Variants in SGMS1 observed in about 807,000 individuals in gnomAD.
SGMS1 encodes sphingomyelin synthase 1.
In SGMS1, 13 loss-of-function variants were observed where a neutral mutation model predicts 46.2. That is an observed-to-expected ratio of 0.28 (90% CI 0.18 to 0.45). The LOEUF (loss-of-function observed/expected upper bound fraction) is 0.45, where lower values mean the gene tolerates loss of function less well. Ranked by LOEUF, SGMS1 falls within the 20% of genes least tolerant of loss-of-function variation. The pLI, the probability that SGMS1 is intolerant of heterozygous loss-of-function variation, is 1.00. For missense variants in SGMS1, 324 were observed against 519.9 expected, an observed-to-expected ratio of 0.62 and a Z score of 3.66; for synonymous variants, 203 against 187.8, an observed-to-expected ratio of 1.08 and a Z score of -0.66.
chr10:50,332,387 T>C (rs181078967), intron 7 of SGMS1, among the ~76,000 whole-genome samples: 14 of 152,230 alleles, frequency 9.2e-5, no homozygotes, highest in Admixed American at 8.5e-4. Context: ...AGGAAGCCCC[T>C]GCTCCTCTCT....
intron 3 of SGMS1, among the ~76,000 whole-genome samples, chr10:50,512,674 T>C (rs553566290): frequency 6.6e-6 from 1 of 152,366 alleles, no homozygotes; most frequent in Non-Finnish European, 1.5e-5. Context: ...TGGCCCTGCA[T>C]TAATTGAGCT....
At chr10:50,355,069 T>G (rs1848117082) in intron 6 of SGMS1, among the ~76,000 whole-genome samples, 1 of 152,232 alleles carries the variant, frequency 6.6e-6, no homozygotes, top group African/African-American at 2.4e-5. Context: ...AAATATCATT[T>G]GACCCAGCCA....
chr10:50,373,476 T>G (rs1326518999), intron 6 of SGMS1, among the ~76,000 whole-genome samples: 1 of 152,238 alleles, frequency 6.6e-6, no homozygotes, highest in African/African-American at 2.4e-5. Context: ...GAGAGCATTA[T>G]GTGATCATAA....
intron 3 of SGMS1, among the ~76,000 whole-genome samples, chr10:50,483,471 T>C (rs1358039437): frequency 2.0e-5 from 3 of 152,110 alleles, no homozygotes; most frequent in South Asian, 4.1e-4. Flanking sequence ...CTGTCAATAT[T>C]AGACAGATCA....
At chr10:50,581,502 G>A (rs1242708932) in intron 2 of SGMS1, among the ~76,000 whole-genome samples, 1 of 152,164 alleles carries the variant, frequency 6.6e-6, no homozygotes, top group African/African-American at 2.4e-5. Flanking sequence ...CAGGAAATAA[G>A]GTTGACCTTG....
chr10:50,386,549 A>G (rs1848685535), intron 6 of SGMS1, among the ~76,000 whole-genome samples: 1 of 152,180 alleles, frequency 6.6e-6, no homozygotes, highest in Admixed American at 6.5e-5. Flanking sequence ...TATGCTGCTA[A>G]AATAAAACGC....
intron 6 of SGMS1, among the ~76,000 whole-genome samples, chr10:50,364,110 T>C (rs1431359251): frequency 6.6e-6 from 1 of 151,696 alleles, no homozygotes; most frequent in Non-Finnish European, 1.5e-5. Context: ...GAAAAAAAAT[T>C]TCAGATGTGA....
At chr10:50,333,943 C>T (rs996621642) in intron 7 of SGMS1, among the ~76,000 whole-genome samples, 1 of 152,198 alleles carries the variant, frequency 6.6e-6, no homozygotes, top group Admixed American at 6.5e-5. Context: ...TCCTGTTTAG[C>T]ATATACCATT....
chr10:50,470,745 T>C (rs1483763669), intron 3 of SGMS1, among the ~76,000 whole-genome samples: 1 of 152,156 alleles, frequency 6.6e-6, no homozygotes, highest in Non-Finnish European at 1.5e-5. Context: ...CAGCCAAGCA[T>C]GATTGTCTTG....
At chr10:50,465,395 C>CA (rs1837317063) in intron 4 of SGMS1, among the ~76,000 whole-genome samples, 1 of 151,230 alleles carries the variant, frequency 6.6e-6, no homozygotes, top group Admixed American at 6.6e-5. Flanking sequence ...CAAAGAACAG[C>CA]AAAAAACAGC....
intron 8 of SGMS1, among the ~76,000 whole-genome samples, chr10:50,322,529 G>A (rs1361866237): frequency 6.6e-6 from 1 of 152,126 alleles, no homozygotes; most frequent in Non-Finnish European, 1.5e-5. Context: ...ATCATAAACA[G>A]TTGTAAAAAG....
At chr10:50,395,276 T>G (rs1400387186) in intron 6 of SGMS1, among the ~76,000 whole-genome samples, 1 of 152,208 alleles carries the variant, frequency 6.6e-6, no homozygotes, top group East Asian at 1.9e-4. Flanking sequence ...TTGGGATCCC[T>G]GTAATAAATA....
At chr10:50,593,203 G>A (rs1428666874) in intron 1 of SGMS1, among the ~76,000 whole-genome samples, 3 of 152,174 alleles carry the variant, frequency 2.0e-5, no homozygotes, top group Non-Finnish European at 4.4e-5. Context: ...CTATGTGAGT[G>A]AGCCATCTTG....
At chr10:50,563,519 G>A (rs899375794) in intron 2 of SGMS1, among the ~76,000 whole-genome samples, 3 of 151,752 alleles carry the variant, frequency 2.0e-5, no homozygotes, top group Non-Finnish European at 4.4e-5. Flanking sequence ...CGAGGCGGGC[G>A]GATCACGAGG....
intron 2 of SGMS1, among the ~76,000 whole-genome samples, chr10:50,531,871 A>G (rs1023582288): frequency 2.0e-5 from 3 of 152,228 alleles, no homozygotes; most frequent in African/African-American, 7.2e-5. Flanking sequence ...CATCTTACAG[A>G]TAAAGAGACT....
chr10:50,598,533 G>A lies in SGMS1; in HGVS notation c.-683-8286C>T, dbSNP rs573991091. 1.1e-4 allele frequency among the ~76,000 whole-genome samples: 16 copies of A among 152,246 alleles called. No homozygotes were observed. The South Asian group carries it at 3.1e-3, about 30-fold the overall frequency. On this transcript the variant is annotated intron_variant, in intron 1 of 10. Transcript: ENST00000361781. ...TCATAGAAATAACTGATGGGTCTTGGTGAATGGCTGGATATCTGACAGTTG... is the reference window on the plus strand; with the variant it reads ...TCATAGAAATAACTGATGGGTCTTGATGAATGGCTGGATATCTGACAGTTG...
chr10:50,399,077 G>A (rs936494092), intron 6 of SGMS1, among the ~76,000 whole-genome samples: 2 of 152,078 alleles, frequency 1.3e-5, no homozygotes, highest in Non-Finnish European at 2.9e-5. Context: ...CGATGGAAAT[G>A]TTCTAAAACT....
At chr10:50,451,419 T>C (rs1306805538) in intron 5 of SGMS1, among the ~76,000 whole-genome samples, 1 of 152,230 alleles carries the variant, frequency 6.6e-6, no homozygotes, top group Non-Finnish European at 1.5e-5. Context: ...CTCTGATCAT[T>C]AAAACTTGAG....
intron 2 of SGMS1, among the ~76,000 whole-genome samples, chr10:50,587,593 C>G (rs1286392342): frequency 6.7e-6 from 1 of 150,366 alleles, no homozygotes; most frequent in African/African-American, 2.4e-5. Flanking sequence ...CACTGCACTC[C>G]AGCCTGGGCA....
Sources: gnomAD v4.1 joint callset for allele counts (sites outside exome capture counted in the v4.1 genomes callset) on GRCh38, gnomAD v4.1.1 for gene constraint, MANE v1.5 for transcripts, NCBI Gene and HGNC (gene_info 2026-07-23, HGNC 2026-07-21) for gene names.